AGR3: variants seen among roughly 807,000 people sequenced by gnomAD.
AGR3 encodes anterior gradient protein 3.
Under a neutral mutation model 24.5 loss-of-function variants are expected in AGR3, and 37 were observed. That is an observed-to-expected ratio of 1.51 (90% CI 1.16 to 1.99). The LOEUF (loss-of-function observed/expected upper bound fraction) is 1.99, where lower values mean the gene tolerates loss of function less well. Ranked by LOEUF, AGR3 falls within the 30% of genes most tolerant of loss-of-function variation. AGR3 has a pLI of 0.00. For missense variants in AGR3, 228 were observed against 191.1 expected (o/e 1.19, Z -1.14); for synonymous variants, 75 against 61.6 (o/e 1.22, Z -1.02).
intron 3 of AGR3, chr7:16,864,832 T>C: frequency 2.3e-6 from 2 of 883,894 alleles, no homozygotes; most frequent in East Asian, 2.4e-5. Context: ...AGATGTCCTA[T>C]ATTTCCTGAG....
intron 2 of AGR3, among the ~76,000 whole-genome samples, chr7:16,876,699 A>G (rs1470187281): frequency 6.6e-6 from 1 of 152,226 alleles, no homozygotes; most frequent in Non-Finnish European, 1.5e-5. Context: ...TTCTCAGCTA[A>G]TATCAGTCAT....
intron 3 of AGR3, among the ~76,000 whole-genome samples, chr7:16,873,081 C>T (rs145150922): frequency 1.3e-5 from 2 of 152,206 alleles, no homozygotes; most frequent in African/African-American, 2.4e-5. Context: ...CCATATGATC[C>T]AGCTTTCCTA....
Position 16,862,052 on chromosome 7 carries a change from T to G in AGR3, c.235A>C (p.Lys79Gln), listed in dbSNP as rs1372908362. The G allele has an allele frequency of 6.2e-7, 1 of 1,613,404 alleles. No homozygotes were observed. The highest frequency in any genetic ancestry group is 2.2e-5 in the East Asian group (1 of 44,816). ...EDCQYSQALK[K>Q]VFAQNEEIQE... ...ATTTCTTCATTTTGGGCAAATACTT[T>G]CTTTAGTGCTATAGGGGAAAACAAA... Residue 79 changes from lysine to glutamine, a missense_variant, in exon 5 of 8, where the codon AAA becomes CAA. Physicochemically the swap from Lys to Gln is moderately conservative, Grantham distance 53. Coordinates refer to ENST00000310398, the MANE Select transcript of AGR3 (RefSeq NM_176813.5).
chr7:16,878,590 C>T lies in AGR3; in HGVS notation c.29G>A (p.Cys10Tyr), dbSNP rs558248875. ...GGAAGAAACTGTGACGAGTAAGAGG[C>T]AGAGACCCAAAGCTGAGTGTAGCAT... is the stretch of plus-strand genomic sequence containing the variant. Reference protein sequence around the residue: MMLHSALGLCLLLVTVSSNL... With the variant: MMLHSALGLYLLLVTVSSNL... Residue 10 changes from cysteine to tyrosine, a missense_variant, in exon 2 of 8, where the codon TGC (cysteine) becomes TAC (tyrosine). Transcript: ENST00000310398. 27 of 1,614,008 alleles carry T rather than the reference C, an allele frequency of 1.7e-5. No homozygotes were observed. Among genetic ancestry groups the T allele is most frequent in the Non-Finnish European group, 2.2e-5 (26 of 1,180,022 alleles).
intron 7 of AGR3, 55 bp from the exon 8 acceptor site, chr7:16,859,686 A>G: frequency 8.5e-7 from 1 of 1,179,122 alleles, no homozygotes; most frequent in Non-Finnish European, 1.2e-6. Flanking sequence ...TACAAATGCT[A>G]TGATCTATTA....
chr7:16,872,572 A>G (rs182202112), intron 3 of AGR3, among the ~76,000 whole-genome samples: 2 of 152,310 alleles, frequency 1.3e-5, no homozygotes, highest in East Asian at 1.9e-4. Flanking sequence ...GTAAGATTTC[A>G]AAAGCACAGG....
In AGR3 at chr7:16,859,715, G is replaced by C. The variant is rs551351955; in HGVS notation, c.452-84C>G. ...TCTATTAACTCTAGAACCTGAAATT[G>C]GCCCATTTAAATTAATAGCTTTGAA... is the stretch of plus-strand genomic sequence containing the variant. On this transcript the variant is annotated intron_variant, in intron 7 of 7. Coordinates refer to ENST00000310398, the MANE Select transcript of AGR3 (RefSeq NM_176813.5). The C allele has an allele frequency of 2.3e-5, 20 of 885,080 alleles. No individual in the cohort carries two copies. The African/African-American group carries it at 2.7e-4, about 12-fold the overall frequency. The allele number at this position is 885,080 out of a possible 1,614,324, so 54.8% of individuals were successfully genotyped here. A position where few individuals can be genotyped will look rare whatever the true frequency, so the allele number is the denominator to read the frequency against.
intron 3 of AGR3, chr7:16,865,001 C>T: frequency 1.1e-6 from 1 of 944,734 alleles, no homozygotes; most frequent in Admixed American, 1.7e-5. Context: ...TCTACTACCT[C>T]CTCAGGTTCA....
rs567430049 is a variant in AGR3, at chr7:16,870,592, A to C, written c.173+3188T>G. Among the ~76,000 whole-genome samples the C allele has an allele frequency of 2.6e-5, 4 of 152,252 alleles. No individual in the cohort carries two copies. In the East Asian group the frequency reaches 7.7e-4, roughly 29 times the overall value. On this transcript the variant is annotated intron_variant, in intron 3 of 7. Coordinates refer to ENST00000310398, the MANE Select transcript of AGR3 (RefSeq NM_176813.5). ...TTAATATTGTCAAATACAAAGTCTTAAAAATTCAAATATAGATGTTTTATT... is the reference window on the plus strand; with the variant it reads ...TTAATATTGTCAAATACAAAGTCTTCAAAATTCAAATATAGATGTTTTATT...
At chr7:16,856,802 TACACACACACATAC>T (rs1412268256), downstream of AGR3, among the ~76,000 whole-genome samples, 1 of 150,070 alleles carries the variant, frequency 6.7e-6, no homozygotes, top group Admixed American at 6.7e-5. Context: ...ATTATACACA[TACACACACACATAC>T]ACACACACAC....
Position 16,859,501 on chromosome 7 carries a change from C to T in AGR3, c.*81G>A. The T allele has an allele frequency of 2.3e-6, 2 of 883,344 alleles. No individual in the cohort carries two copies. Among genetic ancestry groups the T allele is most frequent in the Non-Finnish European group, 3.5e-6 (2 of 567,764 alleles). 54.7% of individuals were successfully genotyped at this position (883,344 alleles called of 1,614,324 possible). A position where few individuals can be genotyped will look rare whatever the true frequency, so the allele number is the denominator to read the frequency against. On this transcript the variant is annotated 3_prime_UTR_variant, in exon 8 of 8. Coordinates refer to ENST00000310398, the MANE Select transcript of AGR3 (RefSeq NM_176813.5). ...ATATTACAAAATCTATATACTTGCA[C>T]ATTTAGTATTTGTCAATGTGCCAGA...
In AGR3 at chr7:16,859,469, A is replaced by C; in HGVS notation, c.*113T>G. On this transcript the variant is annotated 3_prime_UTR_variant, in exon 8 of 8. Coordinates refer to ENST00000310398, the MANE Select transcript of AGR3 (RefSeq NM_176813.5). ...TATTGCAAACACATTAAAAAAACTA[A>C]ATAGTAATATTACAAAATCTATATA... is the stretch of plus-strand genomic sequence containing the variant. 1 of 697,584 alleles carries C rather than the reference A, an allele frequency of 1.4e-6. No individual in the cohort carries two copies. The highest frequency in any genetic ancestry group is 2.4e-6 in the Non-Finnish European group (1 of 421,132). 43.2% of individuals were successfully genotyped at this position (697,584 alleles called of 1,614,324 possible). A position where few individuals can be genotyped will look rare whatever the true frequency, so the allele number is the denominator to read the frequency against.
chr7:16,862,653 T>C lies in AGR3; in HGVS notation c.183A>G (p.Pro61=), dbSNP rs1188280443. Reference sequence around the variant, plus strand: ...CCTCCAGGTGATGAATAACCATTAATGGCTTCTTACTAAACAAAGAAAGTA... The same window carrying C: ...CCTCCAGGTGATGAATAACCATTAACGGCTTCTTACTAAACAAAGAAAGTA... ...GLFYAQKSKK[P]LMVIHHLEDC... The change falls in exon 4 of 8, where the codon CCA becomes CCG. Residue 61 remains proline, a synonymous_variant. Coordinates refer to ENST00000310398, the MANE Select transcript of AGR3 (RefSeq NM_176813.5). 6.4e-7 allele frequency: 1 copy of C among 1,553,638 alleles called. No individual in the cohort carries two copies. The highest frequency in any genetic ancestry group is 8.6e-7 in the Non-Finnish European group (1 of 1,156,524).
At chr7:16,864,052 C>T (rs566976123) in intron 3 of AGR3, among the ~76,000 whole-genome samples, 8 of 152,262 alleles carry the variant, frequency 5.3e-5, no homozygotes, top group Admixed American at 3.9e-4. Flanking sequence ...ATAAATCCTA[C>T]AGAAAAACAT....
At chr7:16,854,684 C>G (rs957787757), downstream of AGR3, among the ~76,000 whole-genome samples, 3 of 152,154 alleles carry the variant, frequency 2.0e-5, no homozygotes, top group Non-Finnish European at 4.4e-5. Flanking sequence ...CATTGAGTGG[C>G]TTAAACAGTC....
chr7:16,880,112 C>CTTCCTTCCTTCCTTCCTTCT (rs1782080046), intron 1 of AGR3, among the ~76,000 whole-genome samples: 2 of 136,752 alleles, frequency 1.5e-5, no homozygotes, highest in African/African-American at 2.9e-5. Flanking sequence ...TCCTTCTTTC[C>CTTCCTTCCTTCCTTCCTTCT]TTCCTTCCTT....
At chr7:16,881,191 G>A (rs1484310964) in intron 1 of AGR3, among the ~76,000 whole-genome samples, 1 of 152,170 alleles carries the variant, frequency 6.6e-6, no homozygotes, top group African/African-American at 2.4e-5. Context: ...CTATTTTAAA[G>A]CTGCGAAGCT....
intron 1 of AGR3, among the ~76,000 whole-genome samples, chr7:16,879,016 A>G (rs1296952354): frequency 6.6e-6 from 1 of 152,238 alleles, no homozygotes; most frequent in Non-Finnish European, 1.5e-5. Flanking sequence ...AGTGACTTTT[A>G]GCATGCAGAA....
Position 16,861,990 on chromosome 7 carries a change from G to A in AGR3, c.297C>T (p.Asn99=), listed in dbSNP as rs972922922. Residue 99 remains asparagine, a synonymous_variant, in exon 5 of 8, where the codon AAC becomes AAT. Transcript: ENST00000310398. ...CATCACAAAGTTTATGTACCATAAG[G>A]TTTAGCATGATGAACTTATTCTGAG... ...EMAQNKFIML[N]LMHETTDKNL... The A allele has an allele frequency of 1.2e-6, 2 of 1,609,820 alleles. No homozygotes were observed. The highest frequency in any genetic ancestry group is 1.1e-5 in the South Asian group (1 of 90,948).
Sources: gnomAD v4.1 joint callset for allele counts (sites outside exome capture counted in the v4.1 genomes callset) on GRCh38, gnomAD v4.1.1 for gene constraint, MANE v1.5 for transcripts, NCBI Gene and HGNC (gene_info 2026-07-23, HGNC 2026-07-21) for gene names.